Variants in PAPPA2 observed in about 807,000 individuals in gnomAD.
PAPPA2 encodes pappalysin-2.
In PAPPA2, 86 loss-of-function variants were observed where a neutral mutation model predicts 176.4. The observed-to-expected ratio is 0.49, with a 90% CI of 0.41 to 0.58. The LOEUF (loss-of-function observed/expected upper bound fraction) is 0.58, where lower values mean the gene tolerates loss of function less well. PAPPA2 is among the 20% of genes least tolerant of loss of function. The pLI, the probability that PAPPA2 is intolerant of heterozygous loss-of-function variation, is 0.00. For synonymous variants in PAPPA2, 809 were observed against 852.2 expected (o/e 0.95, Z 0.88); for missense variants, 2,073 against 2,256.9 (o/e 0.92, Z 1.65).
At chr1:176,580,616 C>T (rs1053383542) in intron 2 of PAPPA2, among the ~76,000 whole-genome samples, 1 of 147,926 alleles carries the variant, frequency 6.8e-6, no homozygotes, top group African/African-American at 2.5e-5. Flanking sequence ...TATAAGAGTT[C>T]CTTTTTCTCT....
chr1:176,622,624 T>C (rs1162624235), intron 3 of PAPPA2, among the ~76,000 whole-genome samples: 1 of 152,162 alleles, frequency 6.6e-6, no homozygotes, highest in Non-Finnish European at 1.5e-5. Flanking sequence ...TGGTAAGCCA[T>C]AGGAATGCAC....
At chr1:176,640,604 G>A (rs1327463967) in intron 3 of PAPPA2, among the ~76,000 whole-genome samples, 1 of 151,960 alleles carries the variant, frequency 6.6e-6, no homozygotes, top group African/African-American at 2.4e-5. Context: ...GGACATTTGG[G>A]TTGGTTCCAA....
intron 1 of PAPPA2, among the ~76,000 whole-genome samples, chr1:176,526,438 GGGCTTGT>G (rs1418415744): frequency 9.2e-5 from 14 of 152,162 alleles, no homozygotes; most frequent in African/African-American, 3.4e-4. Context: ...GTAATCCTTT[GGGCTTGT>G]TCTCTTTTGC....
At chr1:176,598,282 T>C (rs527451832) in intron 3 of PAPPA2, among the ~76,000 whole-genome samples, 21 of 152,056 alleles carry the variant, frequency 1.4e-4, no homozygotes, top group Non-Finnish European at 2.9e-4. Context: ...TTTTTTCTGG[T>C]AGTTTCCTGT....
chr1:176,611,189 G>A (rs1157563565), intron 3 of PAPPA2, among the ~76,000 whole-genome samples: 1 of 152,130 alleles, frequency 6.6e-6, no homozygotes, highest in Non-Finnish European at 1.5e-5. Context: ...GGGATTTGAG[G>A]TTGTTTTTGA....
At chr1:176,769,949 T>C (rs1664150128) in intron 16 of PAPPA2, among the ~76,000 whole-genome samples, 165 bp downstream of exon 16, 1 of 152,192 alleles carries the variant, frequency 6.6e-6, no homozygotes, top group Non-Finnish European at 1.5e-5. Flanking sequence ...CACCACTCTT[T>C]GTCCCCAACT....
intron 14 of PAPPA2, among the ~76,000 whole-genome samples, chr1:176,746,288 T>A (rs1480293090): frequency 2.0e-5 from 3 of 152,232 alleles, no homozygotes; most frequent in Admixed American, 2.0e-4. Flanking sequence ...TGAGAGGCAA[T>A]AAGTTGATAA....
At chr1:176,569,497 C>G (rs925734764) in intron 2 of PAPPA2, among the ~76,000 whole-genome samples, 2 of 152,244 alleles carry the variant, frequency 1.3e-5, no homozygotes, top group African/African-American at 4.8e-5. Context: ...TGTGCCTTAT[C>G]AAGACACTAA....
intron 3 of PAPPA2, among the ~76,000 whole-genome samples, chr1:176,619,649 A>G (rs993129620): frequency 6.6e-6 from 1 of 152,224 alleles, no homozygotes; most frequent in Admixed American, 6.5e-5. Flanking sequence ...TCTCTGAACA[A>G]GAGTAAAAAT....
At chr1:176,607,847 T>G (rs929021322) in intron 3 of PAPPA2, among the ~76,000 whole-genome samples, 10 of 152,232 alleles carry the variant, frequency 6.6e-5, no homozygotes, top group Non-Finnish European at 1.2e-4. Context: ...CTCCATAAGT[T>G]GTATTTAGTT....
chr1:176,841,676 C>T (rs548343169), intron 22 of PAPPA2, among the ~76,000 whole-genome samples: 2 of 152,174 alleles, frequency 1.3e-5, no homozygotes, highest in South Asian at 4.1e-4. Flanking sequence ...TTTTTCCGGA[C>T]TATCTCTGGC....
At chr1:176,735,648 T>A (rs1247751441) in intron 12 of PAPPA2, among the ~76,000 whole-genome samples, 4 of 152,070 alleles carry the variant, frequency 2.6e-5, no homozygotes, top group Non-Finnish European at 5.9e-5. Context: ...ATCAACTGAG[T>A]GTGTGAGACT....
intron 15 of PAPPA2, among the ~76,000 whole-genome samples, chr1:176,766,063 C>T (rs1336424386): frequency 6.6e-6 from 1 of 152,174 alleles, no homozygotes; most frequent in African/African-American, 2.4e-5. Flanking sequence ...AAGGGCAATG[C>T]TTATTCTGTT....
chr1:176,640,639 G>A (rs1314364843), intron 3 of PAPPA2, among the ~76,000 whole-genome samples: 18 of 151,992 alleles, frequency 1.2e-4, no homozygotes, highest in East Asian at 7.7e-4. Context: ...GAATAGTGCC[G>A]CAATAAATAT....
intron 1 of PAPPA2, among the ~76,000 whole-genome samples, chr1:176,506,193 T>G (rs1648254521): frequency 6.6e-6 from 1 of 152,190 alleles, no homozygotes; most frequent in Non-Finnish European, 1.5e-5. Context: ...TTTTCTGTTC[T>G]GTTCCATTGG....
chr1:176,653,800 T>C (rs1657881897), intron 3 of PAPPA2, among the ~76,000 whole-genome samples: 1 of 151,646 alleles, frequency 6.6e-6, no homozygotes, highest in African/African-American at 2.4e-5. Context: ...GTCAAAGTTA[T>C]CAACCTTCTG....
intron 1 of PAPPA2, among the ~76,000 whole-genome samples, chr1:176,480,829 G>T (rs1239826668): frequency 6.6e-6 from 1 of 151,948 alleles, no homozygotes; most frequent in Non-Finnish European, 1.5e-5. Context: ...TTCATACCTG[G>T]AATCATAGAC....
At chr1:176,540,862 A>G (rs1650325897) in intron 1 of PAPPA2, among the ~76,000 whole-genome samples, 1 of 152,070 alleles carries the variant, frequency 6.6e-6, no homozygotes. Context: ...GAGCCTCCCC[A>G]CCATGGCTTC....
chr1:176,668,322 G>A (rs10753133), intron 3 of PAPPA2, among the ~76,000 whole-genome samples: 53,917 of 152,014 alleles, frequency 0.35, 11,961 homozygotes, highest in African/African-American at 0.63. Context: ...AATTAAGCAG[G>A]TTAATGCAGT....
Sources: allele counts gnomAD v4.1 joint callset (sites outside exome capture counted in the v4.1 genomes callset), GRCh38; gene constraint gnomAD v4.1.1; transcripts MANE v1.5; gene names NCBI Gene and HGNC (gene_info 2026-07-23, HGNC 2026-07-21).